The following ACHE variants were observed in gnomAD, a reference collection of about 807,000 sequenced individuals.
The protein encoded by ACHE is acetylcholinesterase (Yt blood group), also known as acetylcholinesterase.
ACHE carries 19 observed loss-of-function variants against 53.9 expected under a neutral mutation model. That is an observed-to-expected ratio of 0.35 (90% CI 0.25 to 0.52). The LOEUF (loss-of-function observed/expected upper bound fraction) is 0.52, where lower values mean the gene tolerates loss of function less well. ACHE is among the 20% of genes least tolerant of loss of function. The pLI, the probability that ACHE is intolerant of heterozygous loss-of-function variation, is 0.95. For missense variants in ACHE, 605 were observed against 849.4 expected, an observed-to-expected ratio of 0.71 and a Z score of 3.58; for synonymous variants, 392 against 378.1, an observed-to-expected ratio of 1.04 and a Z score of -0.43.
At position 100,892,564 on chromosome 7, in the gene ACHE, G is replaced by A. The variant is rs550436794; in HGVS notation, c.1323C>T (p.Pro441=). Residue 441 remains proline (P), a synonymous_variant, in exon 3 of 5, where the codon CCC becomes CCT. Transcript: ENST00000241069. The surrounding 1 kb of genome is among the most constrained non-coding windows in gnomAD (Gnocchi z 5.2). ...DVVGDHNVVC[P]VAQLAGRLAA... ...CCAGTCGCCCAGCCAGCTGGGCCAC[G>A]GGGCACACGACATTGTGGTCGCCCA... 161 of 1,612,772 alleles carry A rather than the reference G, an allele frequency of 1.0e-4. 1 individual carries two copies. Among genetic ancestry groups the A allele is most frequent in the Middle Eastern group, 9.9e-4 (6 of 6,058 alleles).
chr7:100,891,527 T>G (rs1463721023), intron 3 of ACHE, among the ~76,000 whole-genome samples, 189 bp from the exon 4 acceptor site: 1 of 152,176 alleles, frequency 6.6e-6, no homozygotes, highest in Admixed American at 6.5e-5. Flanking sequence ...TCCTTCCGTT[T>G]CCCTCAGCTT....
In ACHE at chr7:100,892,723, G is replaced by C. The variant is rs755962641; in HGVS notation, c.1164C>G (p.Ala388=). The C allele has an allele frequency of 6.2e-7, 1 of 1,613,390 alleles. No homozygotes were observed. Among genetic ancestry groups the C allele is most frequent in the East Asian group, 2.2e-5 (1 of 44,864 alleles). Residue 388 remains alanine (A), a synonymous_variant, in exon 3 of 5, where the codon GCC becomes GCG. Coordinates refer to ENST00000241069, the MANE Select transcript of ACHE (RefSeq NM_000665.5). This position sits in a 1 kb window ranked among gnomAD's most constrained non-coding sequence, Gnocchi z 5.2. The part of the protein sequence containing the change: ...SKDNESLISR[A]EFLAGVRVGV... ...CGACCCGCACCCCGGCCAGGAACTC[G>C]GCCCGGCTGATGAGAGACTCGTTGT...
chr7:100,895,844 T>G lies in ACHE; in HGVS notation c.-63A>C, dbSNP rs1415481401. On this transcript the variant is annotated 5_prime_UTR_variant, in exon 1 of 5. Transcript: ENST00000241069. ...GGCCGGGCCGGGCCGCGCCGGGAGCTGGAGGCGGCCGATGTTCCCCGGCGC... is the reference window on the plus strand; with the variant it reads ...GGCCGGGCCGGGCCGCGCCGGGAGCGGGAGGCGGCCGATGTTCCCCGGCGC... The G allele has an allele frequency of 6.6e-6, 1 of 151,826 alleles. No homozygotes were observed. Among genetic ancestry groups the G allele is most frequent in the Non-Finnish European group, 1.5e-5 (1 of 67,988 alleles). 9.4% of individuals were successfully genotyped at this position (151,826 alleles called of 1,614,324 possible).
intron 3 of ACHE, among the ~76,000 whole-genome samples, chr7:100,891,715 T>C (rs1790712811): frequency 6.6e-6 from 1 of 152,006 alleles, no homozygotes; most frequent in Non-Finnish European, 1.5e-5. Flanking sequence ...TGTGAGAGAA[T>C]GTGTCACTGC....
rs1296582215 is a variant in ACHE at position 100,893,860 on chromosome 7, C to A, written c.373G>T (p.Glu125Ter). The A allele has an allele frequency of 6.2e-7, 1 of 1,606,772 alleles. No individual in the cohort carries two copies. The part of the protein sequence containing the change: ...EMWNPNRELS[E>*]DCLYLNVWTP... ...CACACGTTGAGGTACAGGCAGTCCTCGCTCAGCTCACGGTTGGGGTTCCAC... is the reference window on the plus strand; with the variant it reads ...CACACGTTGAGGTACAGGCAGTCCTAGCTCAGCTCACGGTTGGGGTTCCAC... Residue 125 changes from glutamate to a stop codon, truncating the protein, a stop_gained, in exon 2 of 5, where the codon GAG becomes TAG. Coordinates refer to ENST00000241069, the MANE Select transcript of ACHE (RefSeq NM_000665.5). LOFTEE classifies it high-confidence loss of function.
chr7:100,890,777 C>T (rs754104875), intron 4 of ACHE: 28 of 1,355,182 alleles, frequency 2.1e-5, no homozygotes, highest in Non-Finnish European at 2.6e-5. Flanking sequence ...ACAACAAAGG[C>T]GTGGGGGTCC....
chr7:100,890,365 G>T (rs1584769082), intron 4 of ACHE, 30 bp from the exon 5 acceptor site: 1 of 1,594,566 alleles, frequency 6.3e-7, no homozygotes, highest in South Asian at 1.1e-5. Flanking sequence ...CGAGGCGGGA[G>T]GGGAGGACGG....
At position 100,892,159 on chromosome 7, in the gene ACHE, C is replaced by G. The variant is rs1790737604; in HGVS notation, c.1553+175G>C. Among the ~76,000 whole-genome samples, 3 of 151,848 alleles carry G rather than the reference C, an allele frequency of 2.0e-5. No individual in the cohort carries two copies. In the South Asian group the frequency reaches 6.2e-4, roughly 32 times the overall value. On this transcript the variant is annotated intron_variant, in intron 3 of 4. Coordinates refer to ENST00000241069, the MANE Select transcript of ACHE (RefSeq NM_000665.5). This position sits in a 1 kb window ranked among gnomAD's most constrained non-coding sequence, Gnocchi z 5.2. ...CTCTGCAAGACCCCCTCTGCCTTCT[C>G]TGTCTCCTTTCTTTTTCTCTCCCCT...
rs200768704 is a variant in ACHE, at chr7:100,893,186, C to T, written c.1047G>A (p.Ala349=). 2.5e-5 allele frequency: 41 copies of T among 1,613,980 alleles called. No individual in the cohort carries two copies. The African/African-American group carries it at 2.8e-4, about 11-fold the overall frequency. The part of the protein sequence containing the change: ...LSDTPEALIN[A]GDFHGLQVLV... ...TTACCTGCAGGCCGTGGAAGTCTCC[C>T]GCGTTGATGAGGGCCTCTGGGGTGT... Residue 349 remains alanine (A), a synonymous_variant, in exon 2 of 5, where the codon GCG becomes GCA. Coordinates refer to ENST00000241069, the MANE Select transcript of ACHE (RefSeq NM_000665.5).
Position 100,892,874 on chromosome 7 carries a change from G to A in ACHE, c.1069-56C>T. 1 of 1,488,858 alleles carries A rather than the reference G, an allele frequency of 6.7e-7. No individual in the cohort carries two copies. The highest frequency in any genetic ancestry group is 8.9e-7 in the Non-Finnish European group (1 of 1,119,708). The allele number at this position is 1,488,858 out of a possible 1,614,324, so 92.2% of individuals were successfully genotyped here. On this transcript the variant is annotated intron_variant, in intron 2 of 4. Coordinates refer to ENST00000241069, the MANE Select transcript of ACHE (RefSeq NM_000665.5). This position sits in a 1 kb window ranked among gnomAD's most constrained non-coding sequence, Gnocchi z 5.2. ...AGCGACAGGCACAGACAGACAAGTA[G>A]ACAGAAACAGATGGACAGACAAAGA...
chr7:100,895,308 T>C (rs1292567043), intron 1 of ACHE, among the ~76,000 whole-genome samples: 1 of 151,918 alleles, frequency 6.6e-6, no homozygotes, highest in Non-Finnish European at 1.5e-5. Context: ...TGGCGCTAAT[T>C]ATAACTCGGG....
chr7:100,891,385 G>A (rs1790688291), intron 3 of ACHE, 47 bp from the exon 4 acceptor site: 3 of 1,483,296 alleles, frequency 2.0e-6, no homozygotes, highest in Non-Finnish European at 2.7e-6. Flanking sequence ...GTGGGAGGAG[G>A]TGGCCCCCAA....
Position 100,894,195 on chromosome 7 carries a change from AG to A in ACHE, c.37del (p.Leu13TrpfsTer29). 1 of 1,475,400 alleles carries A rather than the reference AG, an allele frequency of 6.8e-7. No homozygotes were observed. Among genetic ancestry groups the A allele is most frequent in the Non-Finnish European group, 8.9e-7 (1 of 1,119,876 alleles). 91.4% of individuals were successfully genotyped at this position (1,475,400 alleles called of 1,614,324 possible). ...GAGGAGGAGAAGGAGTGGGGAAGCC[AG>A]GGAAGGCGTGTGCAGCAGACACTGC... ...PPQCLLHTPS[L>X]ASPLLLLLLW... On this transcript the variant is annotated frameshift_variant, in exon 2 of 5. Transcript: ENST00000241069. LOFTEE classifies it high-confidence loss of function.
intron 3 of ACHE, among the ~76,000 whole-genome samples, chr7:100,891,851 G>A (rs1304228917): frequency 7.3e-6 from 1 of 136,630 alleles, no homozygotes; most frequent in African/African-American, 2.7e-5. Flanking sequence ...TGCCATCATA[G>A]CTCACTGCAG....
At chr7:100,895,441 G>C (rs914121473) in intron 1 of ACHE, among the ~76,000 whole-genome samples, 1 of 152,192 alleles carries the variant, frequency 6.6e-6, no homozygotes, top group Non-Finnish European at 1.5e-5. Flanking sequence ...TGGCCCTGGG[G>C]ATGGGGGTGC....
rs901761298 is a variant in ACHE at position 100,891,297 on chromosome 7, G to A, written c.1595C>T (p.Pro532Leu). 47 of 1,598,360 alleles carry A rather than the reference G, an allele frequency of 2.9e-5. No homozygotes were observed. The highest frequency in any genetic ancestry group is 3.7e-5 in the Non-Finnish European group (44 of 1,173,906). ...CTGCTGAGCCCCCGCCGTGTACGGGGGCCATTGTGGGGCCTTGGGGTCTCG... is the reference window on the plus strand; with the variant it reads ...CTGCTGAGCCCCCGCCGTGTACGGGAGCCATTGTGGGGCCTTGGGGTCTCG... ...EPRDPKAPQW[P>L]PYTAGAQQYV... Residue 532 changes from proline to leucine, a missense_variant, in exon 4 of 5, where the codon CCC becomes CTC. Coordinates refer to ENST00000241069, the MANE Select transcript of ACHE (RefSeq NM_000665.5).
intron 4 of ACHE, chr7:100,890,787 C>A: frequency 7.4e-7 from 1 of 1,356,526 alleles, no homozygotes; most frequent in Non-Finnish European, 9.5e-7. Flanking sequence ...CGTGGGGGTC[C>A]CTGAGAAGGG....
chr7:100,894,326 G>C, intron 1 of ACHE, 74 bp from the exon 2 acceptor site: 8 of 1,094,464 alleles, frequency 7.3e-6, no homozygotes, highest in Non-Finnish European at 9.8e-6. Flanking sequence ...GGGCACTGTC[G>C]GCCCAAGGGT....
chr7:100,890,686 C>T (rs1382708319), intron 4 of ACHE: 5 of 1,321,900 alleles, frequency 3.8e-6, no homozygotes, highest in Non-Finnish European at 4.8e-6. Flanking sequence ...CGTCCGGGGC[C>T]TCCCACTTCC....
Sources: gnomAD v4.1 joint callset for allele counts (sites outside exome capture counted in the v4.1 genomes callset) on GRCh38, gnomAD v4.1.1 for gene constraint, Gnocchi (gnomAD v3.1) non-coding constraint, MANE v1.5 for transcripts, NCBI Gene and HGNC (gene_info 2026-07-23, HGNC 2026-07-21) for gene names.